Variants in SHROOM3 observed in about 807,000 individuals in gnomAD.
SHROOM3 encodes protein Shroom3.
In SHROOM3, 47 loss-of-function variants were observed where a neutral mutation model predicts 138.6. The ratio of observed to expected loss-of-function variants is 0.34; its 90% CI spans 0.27 to 0.43. The LOEUF (loss-of-function observed/expected upper bound fraction) is 0.43, where lower values mean the gene tolerates loss of function less well. Ranked by LOEUF, SHROOM3 falls within the 20% of genes least tolerant of loss-of-function variation. SHROOM3 has a pLI of 1.00. For missense variants in SHROOM3, 2,491 were observed against 2,596.5 expected, an observed-to-expected ratio of 0.96 and a Z score of 0.88; for synonymous variants, 1,062 against 1,063.3, an observed-to-expected ratio of 1.00 and a Z score of 0.02.
chr4:76,681,351 T>C (rs1438590501), intron 2 of SHROOM3, among the ~76,000 whole-genome samples: 1 of 152,160 alleles, frequency 6.6e-6, no homozygotes, highest in Non-Finnish European at 1.5e-5. Flanking sequence ...TAGCCACTAT[T>C]TTCAGCTCTC....
At chr4:76,649,818 A>G (rs78119086) in intron 2 of SHROOM3, among the ~76,000 whole-genome samples, 2,255 of 152,340 alleles carry the variant, frequency 0.015, 18 homozygotes, top group Non-Finnish European at 0.023. Context: ...GGTAGGTTGT[A>G]CATTCCTTAA....
At chr4:76,465,402 A>C (rs1731230626) in intron 1 of SHROOM3, among the ~76,000 whole-genome samples, 1 of 152,208 alleles carries the variant, frequency 6.6e-6, no homozygotes, top group African/African-American at 2.4e-5. Flanking sequence ...ACTAGCCAAT[A>C]GCTGAACATA....
intron 1 of SHROOM3, among the ~76,000 whole-genome samples, chr4:76,455,736 A>T (rs1321524086): frequency 6.6e-6 from 1 of 152,210 alleles, no homozygotes; most frequent in Non-Finnish European, 1.5e-5. Flanking sequence ...ACTGAAAAAG[A>T]TGAGGAAGAG....
chr4:76,734,835 TATA>T (rs33985794), intron 4 of SHROOM3, among the ~76,000 whole-genome samples: 18,461 of 152,150 alleles, frequency 0.12, 1,448 homozygotes, highest in East Asian at 0.31. Context: ...AGGGATATGA[TATA>T]ATGTCAAGTA....
intron 2 of SHROOM3, among the ~76,000 whole-genome samples, chr4:76,565,575 T>G (rs1017443334): frequency 2.6e-5 from 4 of 152,186 alleles, no homozygotes; most frequent in African/African-American, 9.7e-5. Context: ...CTTGACCTTC[T>G]GGGATCAAGT....
intron 2 of SHROOM3, among the ~76,000 whole-genome samples, chr4:76,674,487 A>G (rs1718972236): frequency 1.3e-5 from 2 of 149,860 alleles, no homozygotes; most frequent in South Asian, 4.3e-4. Context: ...CTTTTTTCCT[A>G]GATCATATGT....
intron 6 of SHROOM3, among the ~76,000 whole-genome samples, chr4:76,752,240 C>A (rs1176443124): frequency 6.6e-6 from 1 of 152,258 alleles, no homozygotes; most frequent in South Asian, 2.1e-4. Flanking sequence ...GTATGAAGTA[C>A]TTAAAGTAGT....
At chr4:76,670,922 G>C (rs1318713572) in intron 2 of SHROOM3, among the ~76,000 whole-genome samples, 1 of 152,052 alleles carries the variant, frequency 6.6e-6, no homozygotes, top group Admixed American at 6.5e-5. Flanking sequence ...ACCCCAGGCT[G>C]GGTGCAGAGT....
Position 76,756,552 on chromosome 4 carries a change from A to G in SHROOM3, c.4813A>G (p.Ile1605Val). ...QTLASRLQTS[I>V]KGSEAESTPP... The stretch of plus-strand genomic sequence containing the variant: ...ACTGGCTTCCAGACTCCAAACTTCT[A>G]TCAAGGGTTCAGAGGCTGAGTCCAC... Residue 1605 changes from isoleucine (I) to valine (V), a missense_variant, in exon 8 of 11, where the codon ATC becomes GTC. By Grantham distance (29) the Ile-to-Val change is conservative. Coordinates refer to ENST00000296043, the MANE Select transcript of SHROOM3 (RefSeq NM_020859.4). 1 of 1,613,196 alleles carries G rather than the reference A, an allele frequency of 6.2e-7. No homozygotes were observed. The highest frequency in any genetic ancestry group is 8.5e-7 in the Non-Finnish European group (1 of 1,179,950).
At chr4:76,460,340 C>A (rs1173369969) in intron 1 of SHROOM3, among the ~76,000 whole-genome samples, 1 of 152,102 alleles carries the variant, frequency 6.6e-6, no homozygotes. Flanking sequence ...AGCTGTAGAG[C>A]CAGATGCACA....
At chr4:76,436,672 C>CT (rs888833129) in intron 1 of SHROOM3, among the ~76,000 whole-genome samples, 3 of 152,084 alleles carry the variant, frequency 2.0e-5, no homozygotes, top group Non-Finnish European at 4.4e-5. Context: ...CCATGTGTTG[C>CT]TTTTTTTCCC....
intron 1 of SHROOM3, among the ~76,000 whole-genome samples, chr4:76,530,928 A>G (rs1396905210): frequency 1.3e-5 from 2 of 152,122 alleles, no homozygotes; most frequent in Admixed American, 1.3e-4. Flanking sequence ...TAAAAAGAAA[A>G]AGTTGCCAAG....
At chr4:76,732,250 A>ATG in intron 4 of SHROOM3, among the ~76,000 whole-genome samples, 1 of 152,258 alleles carries the variant, frequency 6.6e-6, no homozygotes, top group East Asian at 1.9e-4. Flanking sequence ...AAGTGTTGGT[A>ATG]TGTGTGTGCA....
intron 1 of SHROOM3, among the ~76,000 whole-genome samples, chr4:76,463,444 G>C (rs569092079): frequency 6.6e-6 from 1 of 152,162 alleles, no homozygotes; most frequent in African/African-American, 2.4e-5. Flanking sequence ...TGGAAACAGA[G>C]CATAAAAGAT....
chr4:76,610,103 C>T (rs1310180462), intron 2 of SHROOM3, among the ~76,000 whole-genome samples: 2 of 152,248 alleles, frequency 1.3e-5, no homozygotes, highest in East Asian at 3.8e-4. Flanking sequence ...CAAAGCTACG[C>T]TTGACCATCA....
chr4:76,567,353 G>A (rs1183126182), intron 2 of SHROOM3, among the ~76,000 whole-genome samples: 1 of 152,130 alleles, frequency 6.6e-6, no homozygotes, highest in African/African-American at 2.4e-5. Context: ...TGGCCAACAT[G>A]GTGAAACCCC....
chr4:76,437,549 C>T (rs1220035450), intron 1 of SHROOM3, among the ~76,000 whole-genome samples: 3 of 152,166 alleles, frequency 2.0e-5, no homozygotes, highest in Non-Finnish European at 4.4e-5. Context: ...AGGTTTTTGG[C>T]TTTTTGTTTC....
intron 2 of SHROOM3, among the ~76,000 whole-genome samples, chr4:76,620,495 T>A (rs1734981087): frequency 6.6e-6 from 1 of 152,008 alleles, no homozygotes; most frequent in Non-Finnish European, 1.5e-5. Context: ...AAGTGACAGG[T>A]GGAGGACTAA....
At chr4:76,447,417 A>G (rs539556712) in intron 1 of SHROOM3, among the ~76,000 whole-genome samples, 3 of 152,320 alleles carry the variant, frequency 2.0e-5, no homozygotes, top group African/African-American at 4.8e-5. Flanking sequence ...ATCATCTTGC[A>G]TGTGTCCTCT....
Sources: allele counts gnomAD v4.1 joint callset (sites outside exome capture counted in the v4.1 genomes callset), GRCh38; gene constraint gnomAD v4.1.1; transcripts MANE v1.5; gene names NCBI Gene and HGNC (gene_info 2026-07-23, HGNC 2026-07-21).